Variants in YWHAQ observed in about 807,000 individuals in gnomAD.
YWHAQ encodes the protein 14-3-3 protein theta.
In YWHAQ, 6 loss-of-function variants were observed where a neutral mutation model predicts 28.3. The observed-to-expected ratio is 0.21, with a 90% CI of 0.12 to 0.42. YWHAQ has a LOEUF of 0.42. Among genes scored for constraint, YWHAQ ranks in the 10% least tolerant of loss-of-function variants. YWHAQ has a pLI of 1.00. For missense variants in YWHAQ, 201 were observed against 305.6 expected (o/e 0.66, Z 2.55); for synonymous variants, 143 against 119.1 (o/e 1.20, Z -1.31).
At chr2:9,629,961 G>A (rs1667326947) in intron 2 of YWHAQ, among the ~76,000 whole-genome samples, 198 bp downstream of exon 2, 1 of 152,126 alleles carries the variant, frequency 6.6e-6, no homozygotes, top group East Asian at 1.9e-4. Flanking sequence ...GAAAAAAAAG[G>A]ACTTATCCTT....
chr2:9,607,722 T>C (rs1402484468), intron 2 of YWHAQ, among the ~76,000 whole-genome samples: 1 of 150,484 alleles, frequency 6.6e-6, no homozygotes, highest in Non-Finnish European at 1.5e-5. Flanking sequence ...TTTTTTTTTT[T>C]TTTTTTTGAG....
chr2:9,589,586 AT>A (rs1336068201), intron 3 of YWHAQ, among the ~76,000 whole-genome samples: 1 of 151,940 alleles, frequency 6.6e-6, no homozygotes, highest in Non-Finnish European at 1.5e-5. Flanking sequence ...TCCATTCAAA[AT>A]TAATAATAAT....
chr2:9,594,657 G>C (rs934854429), intron 2 of YWHAQ, among the ~76,000 whole-genome samples: 3 of 152,108 alleles, frequency 2.0e-5, no homozygotes, highest in African/African-American at 7.2e-5. Flanking sequence ...AATTCCACAG[G>C]ATCTCCAAAA....
intron 2 of YWHAQ, among the ~76,000 whole-genome samples, chr2:9,595,017 A>G (rs1196488506): frequency 1.3e-5 from 2 of 152,230 alleles, no homozygotes; most frequent in African/African-American, 4.8e-5. Flanking sequence ...ACTAGTTTGC[A>G]TATAACCATT....
At chr2:9,612,794 T>A (rs1190100836) in intron 2 of YWHAQ, among the ~76,000 whole-genome samples, 1 of 152,176 alleles carries the variant, frequency 6.6e-6, no homozygotes, top group Non-Finnish European at 1.5e-5. Flanking sequence ...ATGAGTACAG[T>A]CTTTCAACAG....
rs1468399336 is a variant in YWHAQ at position 9,630,744 on chromosome 2, C to A, written c.-83+197G>T. On this transcript the variant is annotated intron_variant, in intron 1 of 5. Transcript: ENST00000238081. This position sits in a 1 kb window ranked among gnomAD's most constrained non-coding sequence, Gnocchi z 5.6. ...CGCGGAGGCCCCGCGCGCAGGGAGC[C>A]CGAGCCGCGGCCGCTCCCGCCACCC... 1.3e-5 allele frequency: 2 copies of A among 154,400 alleles called. No individual in the cohort carries two copies. The highest frequency in any genetic ancestry group is 4.8e-5 in the African/African-American group (2 of 41,346). The allele number at this position is 154,400 out of a possible 1,614,324, so 9.6% of individuals were successfully genotyped here.
intron 4 of YWHAQ, 82 bp downstream of exon 4, chr2:9,588,083 A>G: frequency 6.9e-7 from 1 of 1,442,692 alleles, no homozygotes; most frequent in Non-Finnish European, 9.2e-7. Context: ...CTGGGTATCC[A>G]AGTAAAATAC....
At chr2:9,606,972 C>T (rs1337206728) in intron 2 of YWHAQ, among the ~76,000 whole-genome samples, 1 of 151,700 alleles carries the variant, frequency 6.6e-6, no homozygotes, top group Non-Finnish European at 1.5e-5. Flanking sequence ...GCAACCTCCA[C>T]CTCCCGGGTT....
intron 2 of YWHAQ, among the ~76,000 whole-genome samples, chr2:9,624,558 T>G (rs11674917): frequency 0.052 from 7,931 of 152,136 alleles, 590 homozygotes; most frequent in African/African-American, 0.17. Flanking sequence ...GAGTGTCCTG[T>G]GCACCGCATG....
intron 2 of YWHAQ, among the ~76,000 whole-genome samples, chr2:9,616,872 G>T (rs955060898): frequency 6.6e-6 from 1 of 152,304 alleles, no homozygotes; most frequent in South Asian, 2.1e-4. Flanking sequence ...AATTCTCACA[G>T]CAGCATTATT....
intron 2 of YWHAQ, among the ~76,000 whole-genome samples, chr2:9,603,989 C>T (rs1666767810): frequency 6.6e-6 from 1 of 152,024 alleles, no homozygotes; most frequent in Non-Finnish European, 1.5e-5. Context: ...AGGCTTTGGC[C>T]TCAGATAGCT....
In YWHAQ at chr2:9,630,306, C is replaced by T. The variant is rs1357772075; in HGVS notation, c.147G>A (p.Lys49=). 4 of 1,614,162 alleles carry T rather than the reference C, an allele frequency of 2.5e-6. No homozygotes were observed. The highest frequency in any genetic ancestry group is 3.4e-6 in the Non-Finnish European group (4 of 1,180,048). Residue 49 remains lysine (K), a synonymous_variant, in exon 2 of 6, where the codon AAG becomes AAA. Transcript: ENST00000238081. The surrounding 1 kb of genome is among the most constrained non-coding windows in gnomAD (Gnocchi z 5.6). ...CGGACCTGCGGCCCCCGACCACGTT[C>T]TTGTAGGCCACGGAGAGCAGGTTGC... ...EERNLLSVAY[K]NVVGGRRSAW...
At chr2:9,621,387 C>G (rs888155167) in intron 2 of YWHAQ, among the ~76,000 whole-genome samples, 5 of 152,150 alleles carry the variant, frequency 3.3e-5, no homozygotes, top group African/African-American at 1.2e-4. Context: ...AGGCTACACA[C>G]TATCTTCTTG....
chr2:9,609,745 T>G (rs963945869), intron 2 of YWHAQ, among the ~76,000 whole-genome samples: 1 of 152,168 alleles, frequency 6.6e-6, no homozygotes, highest in Admixed American at 6.5e-5. Context: ...ATCTTCAAAG[T>G]GCGGAGAAAA....
intron 2 of YWHAQ, among the ~76,000 whole-genome samples, chr2:9,626,616 A>C (rs1667252145): frequency 6.6e-6 from 1 of 152,202 alleles, no homozygotes. Flanking sequence ...TTTTTAGTAG[A>C]GACGGGGTTT....
At position 9,630,740 on chromosome 2, in the gene YWHAQ, G is replaced by A. The variant is rs1205160904; in HGVS notation, c.-83+201C>T. 1.3e-5 allele frequency: 2 copies of A among 155,646 alleles called. No homozygotes were observed. Among genetic ancestry groups the A allele is most frequent in the East Asian group, 1.9e-4 (1 of 5,330 alleles). 9.6% of individuals were successfully genotyped at this position (155,646 alleles called of 1,614,324 possible). ...GCGGCGCGGAGGCCCCGCGCGCAGG[G>A]AGCCCGAGCCGCGGCCGCTCCCGCC... On this transcript the variant is annotated intron_variant, in intron 1 of 5. Coordinates refer to ENST00000238081, the MANE Select transcript of YWHAQ (RefSeq NM_006826.4). The surrounding 1 kb of genome is among the most constrained non-coding windows in gnomAD (Gnocchi z 5.6).
chr2:9,630,134 C>T lies in YWHAQ; in HGVS notation c.294+25G>A. 6.3e-7 allele frequency: 1 copy of T among 1,599,166 alleles called. No homozygotes were observed. Among genetic ancestry groups the T allele is most frequent in the Admixed American group, 1.7e-5 (1 of 59,612 alleles). On this transcript the variant is annotated intron_variant, in intron 2 of 5. Transcript: ENST00000238081. The surrounding 1 kb of genome is among the most constrained non-coding windows in gnomAD (Gnocchi z 5.6). ...GAAAAGCATCTCACAAAAGGCCTCC[C>T]CTGCTCCCCGCGCCGAGGACTCACC...
At position 9,585,172 on chromosome 2, in the gene YWHAQ, T is replaced by C. The variant is rs1232314858; in HGVS notation, c.*114A>G. 21 of 1,158,154 alleles carry C rather than the reference T, an allele frequency of 1.8e-5. No individual in the cohort carries two copies. The highest frequency in any genetic ancestry group is 3.1e-5 in the African/African-American group (2 of 65,298). 71.7% of individuals were successfully genotyped at this position (1,158,154 alleles called of 1,614,324 possible). ...TGCAGTGTGAAAAGACTATAAACAG[T>C]TGATTCCATACACATGAATGGGTTT... On this transcript the variant is annotated 3_prime_UTR_variant, in exon 6 of 6. Coordinates refer to ENST00000238081, the MANE Select transcript of YWHAQ (RefSeq NM_006826.4).
intron 2 of YWHAQ, among the ~76,000 whole-genome samples, chr2:9,617,681 G>A (rs528510964): frequency 6.6e-6 from 1 of 152,258 alleles, no homozygotes; most frequent in African/African-American, 2.4e-5. Flanking sequence ...GCTCACACTT[G>A]TAATTCCAGC....
Sources: allele counts gnomAD v4.1 joint callset (sites outside exome capture counted in the v4.1 genomes callset), GRCh38; gene constraint gnomAD v4.1.1; non-coding constraint Gnocchi (gnomAD v3.1); transcripts MANE v1.5; gene names NCBI Gene and HGNC (gene_info 2026-07-23, HGNC 2026-07-21).